The following CCDC73 variants were observed in gnomAD, a reference collection of about 807,000 sequenced individuals.
CCDC73 encodes coiled-coil domain containing 73.
A neutral mutation model predicts 116.5 loss-of-function variants in CCDC73; 95 were observed. That is an observed-to-expected ratio of 0.82 (90% CI 0.69 to 0.97). CCDC73 has a LOEUF of 0.97. CCDC73 is among the 50% of genes least tolerant of loss of function. The pLI, the probability that CCDC73 is intolerant of heterozygous loss-of-function variation, is 0.00. For missense variants in CCDC73, 1,066 were observed against 1,206.8 expected (o/e 0.88, Z 1.73); for synonymous variants, 398 against 401.3 (o/e 0.99, Z 0.10).
chr11:32,730,890 C>T lies in CCDC73; in HGVS notation c.136-12743G>A, dbSNP rs561455739. 5.3e-5 allele frequency among the ~76,000 whole-genome samples: 8 copies of T among 152,298 alleles called. No individual in the cohort carries two copies. In the South Asian group the frequency reaches 1.2e-3, roughly 24 times the overall value. On this transcript the variant is annotated intron_variant, in intron 2 of 17. Coordinates refer to ENST00000335185, the MANE Select transcript of CCDC73 (RefSeq NM_001008391.4). ...ATTTCTGCATTTCCAACTGAGGTAC[C>T]GGGTGCATCTCACTGGGGCTTGTCG...
chr11:32,607,912 A>G (rs1320820713), intron 17 of CCDC73, among the ~76,000 whole-genome samples: 1 of 152,214 alleles, frequency 6.6e-6, no homozygotes, highest in Admixed American at 6.5e-5. Context: ...GGTGGCAGCA[A>G]AAGAGAGCTT....
At chr11:32,690,166 T>C (rs1010842706) in intron 6 of CCDC73, among the ~76,000 whole-genome samples, 14 of 152,180 alleles carry the variant, frequency 9.2e-5, no homozygotes, top group African/African-American at 2.9e-4. Flanking sequence ...TGATAATGAC[T>C]TAAATTGTTC....
At chr11:32,722,111 T>C (rs1849995311) in intron 2 of CCDC73, among the ~76,000 whole-genome samples, 1 of 152,164 alleles carries the variant, frequency 6.6e-6, no homozygotes, top group East Asian at 1.9e-4. Flanking sequence ...TACAATTGAT[T>C]ATTTCAGTGG....
rs1432580638 is a variant in CCDC73 at position 32,642,086 on chromosome 11, C to T, written c.940-4G>A. On this transcript the variant is annotated splice_region_variant and splice_polypyrimidine_tract_variant and intron_variant, in intron 12 of 17. Transcript: ENST00000335185. ...GCTCATTATCTCTTTCAAGGGTCTG[C>T]AATAAAATTAATTATCCAAAAAATA... is the stretch of plus-strand genomic sequence containing the variant. The T allele has an allele frequency of 6.6e-7, 1 of 1,520,262 alleles. No individual in the cohort carries two copies. The highest frequency in any genetic ancestry group is 8.8e-7 in the Non-Finnish European group (1 of 1,136,982). The allele number at this position is 1,520,262 out of a possible 1,614,324, so 94.2% of individuals were successfully genotyped here.
chr11:32,784,549 A>C (rs1017239708), intron 1 of CCDC73, among the ~76,000 whole-genome samples: 5 of 152,226 alleles, frequency 3.3e-5, no homozygotes, highest in African/African-American at 1.2e-4. Flanking sequence ...AGTTTCCATC[A>C]TGGGAAGGCA....
At chr11:32,686,792 CAT>C (rs1856206084) in intron 6 of CCDC73, among the ~76,000 whole-genome samples, 1 of 152,134 alleles carries the variant, frequency 6.6e-6, no homozygotes, top group South Asian at 2.1e-4. Flanking sequence ...ATTTCTGACA[CAT>C]AGATGAATTT....
chr11:32,642,983 AAT>A (rs1807848977), intron 12 of CCDC73, among the ~76,000 whole-genome samples: 1 of 151,472 alleles, frequency 6.6e-6, no homozygotes, highest in Non-Finnish European at 1.5e-5. Flanking sequence ...AAGTACGTAA[AAT>A]ATATATATAT....
Position 32,641,976 on chromosome 11 carries a change from CT to C in CCDC73, c.1045del (p.Arg349AspfsTer52). On this transcript the variant is annotated frameshift_variant, in exon 13 of 18. Transcript: ENST00000335185. LOFTEE classifies it high-confidence loss of function. ...EHEKALGTWK[R>X]HAEELNGEIN... is the part of the protein sequence containing the mutation. Reference sequence around the variant, plus strand: ...TTTTCTATTTAATAAACTTACATGTCTTTTCCAAGTTCCTAGTGCTTTTTCA... The same window carrying C: ...TTTTCTATTTAATAAACTTACATGTCTTTCCAAGTTCCTAGTGCTTTTTCA... The C allele has an allele frequency of 6.7e-7, 1 of 1,497,040 alleles. No individual in the cohort carries two copies. Among genetic ancestry groups the C allele is most frequent in the Non-Finnish European group, 8.9e-7 (1 of 1,122,156 alleles). 92.7% of individuals were successfully genotyped at this position (1,497,040 alleles called of 1,614,324 possible). A position where few individuals can be genotyped will look rare whatever the true frequency, so the allele number is the denominator to read the frequency against.
chr11:32,793,622 A>T (rs571584851), intron 1 of CCDC73, among the ~76,000 whole-genome samples: 3,750 of 149,670 alleles, frequency 0.025, 135 homozygotes, highest in African/African-American at 0.085. Flanking sequence ...ATTTTATTTT[A>T]TTTTTTTAGA....
chr11:32,812,757 G>A, the CCDC73 span, among the ~76,000 whole-genome samples: 1 of 151,478 alleles, frequency 6.6e-6, no homozygotes, highest in Non-Finnish European at 1.5e-5. Flanking sequence ...AGGATTGCCT[G>A]AGCCTGCAAG....
chr11:32,731,136 T>C (rs1418771854), intron 2 of CCDC73, among the ~76,000 whole-genome samples: 2 of 152,204 alleles, frequency 1.3e-5, no homozygotes, highest in Non-Finnish European at 2.9e-5. Flanking sequence ...ATCCTGCACC[T>C]GGCTCGGAGG....
chr11:32,655,676 G>A lies in CCDC73; in HGVS notation c.646-704C>T, dbSNP rs757050975. Among the ~76,000 whole-genome samples, 106 of 152,202 alleles carry A rather than the reference G, an allele frequency of 7.0e-4. 1 individual carries two copies. Among genetic ancestry groups the A allele is most frequent in the Admixed American group, 7.2e-4 (11 of 15,278 alleles). Reference sequence around the variant, plus strand: ...TTCAAGTATTGAGAAGGACTTGTACGTTACGCTACAGAGTTTGAATGTTAT... The same window carrying A: ...TTCAAGTATTGAGAAGGACTTGTACATTACGCTACAGAGTTTGAATGTTAT... On this transcript the variant is annotated intron_variant, in intron 9 of 17. Transcript: ENST00000335185.
chr11:32,788,362 T>C (rs1171975113), intron 1 of CCDC73, among the ~76,000 whole-genome samples: 1 of 152,176 alleles, frequency 6.6e-6, no homozygotes, highest in Non-Finnish European at 1.5e-5. Flanking sequence ...ATATACTGAT[T>C]TTTAAAAATT....
chr11:32,703,464 A>G (rs1263887278), intron 3 of CCDC73, among the ~76,000 whole-genome samples: 1 of 152,190 alleles, frequency 6.6e-6, no homozygotes, highest in African/African-American at 2.4e-5. Flanking sequence ...CATGAAAAAA[A>G]AAAACATTGC....
At chr11:32,686,039 A>T (rs986572053) in intron 6 of CCDC73, among the ~76,000 whole-genome samples, 8 of 151,672 alleles carry the variant, frequency 5.3e-5, no homozygotes, top group Non-Finnish European at 1.0e-4. Flanking sequence ...CTTTTTAAAG[A>T]CTCACTCTAT....
At chr11:32,782,512 A>T (rs1057064797) in intron 1 of CCDC73, among the ~76,000 whole-genome samples, 2 of 152,222 alleles carry the variant, frequency 1.3e-5, no homozygotes, top group Non-Finnish European at 2.9e-5. Context: ...CATAACCTCC[A>T]ATTCACTTTC....
intron 12 of CCDC73, among the ~76,000 whole-genome samples, chr11:32,642,416 C>T (rs900018136): frequency 1.3e-5 from 2 of 151,956 alleles, no homozygotes; most frequent in African/African-American, 4.8e-5. Flanking sequence ...TCCAGCCTAA[C>T]TCTACTAAAG....
the CCDC73 span, among the ~76,000 whole-genome samples, chr11:32,823,388 C>T: frequency 1.1e-4 from 17 of 152,078 alleles, no homozygotes; most frequent in East Asian, 1.9e-4. Flanking sequence ...GCAGGAGAAT[C>T]GCTTGAACCC....
intron 3 of CCDC73, among the ~76,000 whole-genome samples, chr11:32,706,012 G>GGAAA (rs532303665): frequency 7.4e-6 from 1 of 135,454 alleles, no homozygotes; most frequent in African/African-American, 2.8e-5. Flanking sequence ...TATATCAGCT[G>GGAAA]AAAAAAAAAA....
Sources: allele counts gnomAD v4.1 joint callset (sites outside exome capture counted in the v4.1 genomes callset), GRCh38; gene constraint gnomAD v4.1.1; transcripts MANE v1.5; gene names NCBI Gene and HGNC (gene_info 2026-07-23, HGNC 2026-07-21).